MAGI2: variants seen among roughly 807,000 people sequenced by gnomAD.
The protein encoded by MAGI2 is membrane associated guanylate kinase, WW and PDZ domain containing 2, also known as membrane-associated guanylate kinase, WW and PDZ domain-containing protein 2.
A neutral mutation model predicts 133.3 loss-of-function variants in MAGI2; 35 were observed. The observed-to-expected ratio is 0.26, with a 90% CI of 0.20 to 0.35. The LOEUF is 0.35. Among genes scored for constraint, MAGI2 ranks in the 10% least tolerant of loss-of-function variants. MAGI2 has a pLI of 1.00. For synonymous variants in MAGI2, 729 were observed against 710.6 expected, an observed-to-expected ratio of 1.03 and a Z score of -0.41; for missense variants, 1,636 against 1,863.4, an observed-to-expected ratio of 0.88 and a Z score of 2.25.
At position 78,346,030 on chromosome 7, in the gene MAGI2, T is replaced by C. The variant is rs750430270; in HGVS notation, c.1117A>G (p.Arg373Gly). Residue 373 changes from arginine to glycine, a missense_variant, in exon 8 of 22, where the codon AGA (arginine) becomes GGA (glycine). By Grantham distance (125) the Arg-to-Gly change is moderately radical (BLOSUM62 -2). Transcript: ENST00000354212. ...AGGACAGGATTTTCAAACTGTGTTC[T>C]TCTATTTATGTGGCTAAAAAAGAAA... is the stretch of plus-strand genomic sequence containing the variant. ...GTYYVDHINR[R>G]TQFENPVLEA... 5 of 1,614,172 alleles carry C rather than the reference T, an allele frequency of 3.1e-6. No homozygotes were observed. Among genetic ancestry groups the C allele is most frequent in the Non-Finnish European group, 3.4e-6 (4 of 1,180,018 alleles).
At chr7:78,527,559 A>G (rs1275343663) in intron 3 of MAGI2, among the ~76,000 whole-genome samples, 1 of 152,154 alleles carries the variant, frequency 6.6e-6, no homozygotes, top group Non-Finnish European at 1.5e-5. Context: ...TCAAAATATT[A>G]TTTTCTGAGA....
chr7:78,081,406 G>A (rs377337978), intron 20 of MAGI2, among the ~76,000 whole-genome samples: 24 of 152,132 alleles, frequency 1.6e-4, no homozygotes, highest in African/African-American at 5.8e-4. Context: ...GGTAAATAAG[G>A]CTATTACTAC....
intron 1 of MAGI2, among the ~76,000 whole-genome samples, chr7:79,259,604 AG>A (rs1585353611): frequency 6.6e-6 from 1 of 152,334 alleles, no homozygotes; most frequent in East Asian, 1.9e-4. Context: ...GGTGATATTT[AG>A]TACCAAATAA....
intron 3 of MAGI2, among the ~76,000 whole-genome samples, chr7:78,584,421 G>GAAAAAAAAAAA (rs57844382): frequency 2.7e-4 from 23 of 83,962 alleles, no homozygotes; most frequent in Non-Finnish European, 2.6e-4. Context: ...CTCCGTCTCA[G>GAAAAAAAAAAA]AAAAAAAAAA....
intron 1 of MAGI2, among the ~76,000 whole-genome samples, chr7:79,175,878 C>T (rs1278968095): frequency 6.6e-6 from 1 of 151,946 alleles, no homozygotes; most frequent in Admixed American, 6.6e-5. Flanking sequence ...CATGACTGTA[C>T]AATTAAGCAT....
chr7:78,241,668 C>A, intron 10 of MAGI2, among the ~76,000 whole-genome samples: 1 of 152,168 alleles, frequency 6.6e-6, no homozygotes, highest in Non-Finnish European at 1.5e-5. Flanking sequence ...TGCAGTGGCT[C>A]ACGCCTGTAA....
intron 2 of MAGI2, among the ~76,000 whole-genome samples, chr7:78,664,893 CA>C (rs1813378611): frequency 6.6e-6 from 1 of 151,828 alleles, no homozygotes; most frequent in South Asian, 2.1e-4. Context: ...TACTAAAAAA[CA>C]AAACAATCAC....
intron 2 of MAGI2, among the ~76,000 whole-genome samples, chr7:78,662,712 TTA>T (rs1474769386): frequency 1.3e-5 from 2 of 152,174 alleles, no homozygotes; most frequent in Admixed American, 1.3e-4. Context: ...TAAAATAAAA[TTA>T]TATGTTAGTA....
At chr7:79,140,549 T>G (rs1218834062) in intron 1 of MAGI2, among the ~76,000 whole-genome samples, 1 of 152,100 alleles carries the variant, frequency 6.6e-6, no homozygotes, top group Non-Finnish European at 1.5e-5. Flanking sequence ...CCTTGAAATA[T>G]GGAAAGGACG....
chr7:78,534,485 G>A lies in MAGI2; in HGVS notation c.539-12840C>T, dbSNP rs765634545. Among the ~76,000 whole-genome samples the A allele has an allele frequency of 3.3e-5, 5 of 152,170 alleles. 1 individual carries two copies. Among genetic ancestry groups the A allele is most frequent in the Non-Finnish European group, 7.3e-5 (5 of 68,038 alleles). On this transcript the variant is annotated intron_variant, in intron 3 of 21. Coordinates refer to ENST00000354212, the MANE Select transcript of MAGI2 (RefSeq NM_012301.4). ...TGTTTGTATATATATGTGTGTGTGCGTGTGCTCCCAAATAAATCAAGTTGC... is the reference window on the plus strand; with the variant it reads ...TGTTTGTATATATATGTGTGTGTGCATGTGCTCCCAAATAAATCAAGTTGC...
chr7:78,044,699 G>T (rs968816791), intron 21 of MAGI2, among the ~76,000 whole-genome samples: 1 of 121,964 alleles, frequency 8.2e-6, no homozygotes, highest in Admixed American at 7.9e-5. Context: ...GTGTGTGTGT[G>T]TGTGTGCACG....
At chr7:78,162,357 C>CAAA (rs3085587) in intron 15 of MAGI2, among the ~76,000 whole-genome samples, 1 of 137,044 alleles carries the variant, frequency 7.3e-6, no homozygotes, top group African/African-American at 2.7e-5. Context: ...ACTAAAAATA[C>CAAA]AAAAAAAAAA....
chr7:79,439,792 A>G (rs894660286), intron 1 of MAGI2, among the ~76,000 whole-genome samples: 29 of 152,126 alleles, frequency 1.9e-4, no homozygotes, highest in Non-Finnish European at 3.1e-4. Context: ...CTCTTCCATC[A>G]TAACACACAC....
intron 6 of MAGI2, among the ~76,000 whole-genome samples, chr7:78,379,653 G>C (rs568269980): frequency 1.3e-5 from 2 of 151,938 alleles, no homozygotes; most frequent in South Asian, 4.2e-4. Context: ...AGATATGAAA[G>C]AACTAAATAT....
chr7:78,273,229 G>T (rs1025506361), intron 9 of MAGI2, among the ~76,000 whole-genome samples: 1 of 152,006 alleles, frequency 6.6e-6, no homozygotes, highest in Non-Finnish European at 1.5e-5. Flanking sequence ...TGAAATTCTG[G>T]GTTGAAAATT....
chr7:79,264,974 C>G (rs572486327), intron 1 of MAGI2, among the ~76,000 whole-genome samples: 128 of 152,128 alleles, frequency 8.4e-4, no homozygotes, highest in African/African-American at 3.0e-3. Context: ...GGACATTAGT[C>G]CATGAGGAAT....
chr7:78,720,346 A>C (rs2151198466), intron 2 of MAGI2, among the ~76,000 whole-genome samples: 1 of 152,168 alleles, frequency 6.6e-6, no homozygotes, highest in East Asian at 1.9e-4. Context: ...CTTATAATAC[A>C]CCTATGAGAT....
chr7:78,580,360 T>C (rs971148313), intron 3 of MAGI2, among the ~76,000 whole-genome samples: 2 of 152,126 alleles, frequency 1.3e-5, no homozygotes, highest in African/African-American at 2.4e-5. Flanking sequence ...AAAAGGACAA[T>C]AGGTTCTTCT....
intron 4 of MAGI2, among the ~76,000 whole-genome samples, chr7:78,507,133 C>T (rs1043935190): frequency 6.6e-6 from 1 of 152,126 alleles, no homozygotes; most frequent in Non-Finnish European, 1.5e-5. Flanking sequence ...ACCTTTTTAT[C>T]AGGCTGCTGT....
Sources: gnomAD v4.1 joint callset for allele counts (sites outside exome capture counted in the v4.1 genomes callset) on GRCh38, gnomAD v4.1.1 for gene constraint, MANE v1.5 for transcripts, NCBI Gene and HGNC (gene_info 2026-07-23, HGNC 2026-07-21) for gene names.